Variants in STRA6 observed in about 807,000 individuals in gnomAD.
STRA6 encodes receptor for retinol uptake STRA6.
Under a neutral mutation model 83.6 loss-of-function variants are expected in STRA6, and 48 were observed. That is an observed-to-expected ratio of 0.57 (90% CI 0.46 to 0.73). The LOEUF is 0.73. STRA6 is among the 30% of genes least tolerant of loss of function. The pLI, the probability that STRA6 is intolerant of heterozygous loss-of-function variation, is 0.00. For missense variants in STRA6, 760 were observed against 838.8 expected, an observed-to-expected ratio of 0.91 and a Z score of 1.16; for synonymous variants, 353 against 362.3, an observed-to-expected ratio of 0.97 and a Z score of 0.29.
chr15:74,180,342 T>G (rs951992874), intron 18 of STRA6, 99 bp from the exon 19 acceptor site: 3 of 1,491,932 alleles, frequency 2.0e-6, no homozygotes, highest in Non-Finnish European at 2.8e-6. Context: ...CCCAGGCGTG[T>G]GCAGGTCGTG....
At chr15:74,193,970 A>C (rs2073681818) in intron 7 of STRA6, 48 bp from the exon 8 acceptor site, 1 of 1,605,660 alleles carries the variant, frequency 6.2e-7, no homozygotes, top group African/African-American at 1.3e-5. Context: ...TTCTTCCCCC[A>C]GCCAAGAACC....
chr15:74,204,934 C>CA (rs1006130543), upstream of STRA6, among the ~76,000 whole-genome samples: 15 of 125,990 alleles, frequency 1.2e-4, no homozygotes, highest in South Asian at 5.0e-4. Flanking sequence ...AACTCCATCT[C>CA]AAAAAAAAAG....
chr15:74,197,331 T>G lies in STRA6; in HGVS notation c.266+7A>C, dbSNP rs1302477695. 1.3e-6 allele frequency: 2 copies of G among 1,548,098 alleles called. No homozygotes were observed. The highest frequency in any genetic ancestry group is 2.4e-5 in the South Asian group (2 of 83,986). Reference sequence around the variant, plus strand: ...CTGAGTGGGGGTGCCCAGGCCATGGTACAAACCTGGGCAGGCCGGGCCTGC... The same window carrying G: ...CTGAGTGGGGGTGCCCAGGCCATGGGACAAACCTGGGCAGGCCGGGCCTGC... On this transcript the variant is annotated splice_region_variant and intron_variant, in intron 4 of 18. Transcript: ENST00000395105.
intron 2 of STRA6, among the ~76,000 whole-genome samples, chr15:74,201,445 C>T (rs1463218689): frequency 6.6e-6 from 1 of 152,136 alleles, no homozygotes; most frequent in Non-Finnish European, 1.5e-5. Context: ...GTGGGGGACA[C>T]AGAAGGGGCC....
rs753080256 is a variant in STRA6, at chr15:74,195,479, A to C, written c.431-11T>G. The C allele has an allele frequency of 1.2e-6, 2 of 1,612,418 alleles. No individual in the cohort carries two copies. The highest frequency in any genetic ancestry group is 2.2e-5 in the South Asian group (2 of 90,402). On this transcript the variant is annotated splice_polypyrimidine_tract_variant and intron_variant, in intron 6 of 18. Transcript: ENST00000395105. Reference sequence around the variant, plus strand: ...GTATCTTCCAGGCCCCTGGAAGGTGAAACAAGCAGAGAGACCCATGCTGGA... The same window carrying C: ...GTATCTTCCAGGCCCCTGGAAGGTGCAACAAGCAGAGAGACCCATGCTGGA...
Position 74,179,972 on chromosome 15 carries a change from T to C in STRA6, c.*108A>G, listed in dbSNP as rs2072892475. The C allele has an allele frequency of 1.4e-6, 2 of 1,458,146 alleles. No individual in the cohort carries two copies. Among genetic ancestry groups the C allele is most frequent in the South Asian group, 1.2e-5 (1 of 80,074 alleles). The allele number at this position is 1,458,146 out of a possible 1,614,324, so 90.3% of individuals were successfully genotyped here. A position where few individuals can be genotyped will look rare whatever the true frequency, so the allele number is the denominator to read the frequency against. On this transcript the variant is annotated 3_prime_UTR_variant, in exon 19 of 19. Coordinates refer to ENST00000395105, the MANE Select transcript of STRA6 (RefSeq NM_022369.4). The stretch of plus-strand genomic sequence containing the variant: ...AACCACAGTGATCCGGAGGACCTGC[T>C]GGCTGCATGGCTGGTGTGATGCTGG...
intron 7 of STRA6, chr15:74,195,006 C>A (rs754888311): frequency 3.5e-6 from 5 of 1,434,446 alleles, no homozygotes; most frequent in Non-Finnish European, 4.5e-6. Flanking sequence ...CTAACACAGG[C>A]ATTGGGGGTG....
chr15:74,212,212 G>T (rs753130178), upstream of STRA6: 1 of 152,398 alleles, frequency 6.6e-6, no homozygotes, highest in Admixed American at 6.5e-5. Flanking sequence ...CTTGGACACC[G>T]TCTCAGGGGT....
At chr15:74,199,888 T>C (rs1459123498) in intron 2 of STRA6, among the ~76,000 whole-genome samples, 1 of 152,122 alleles carries the variant, frequency 6.6e-6, no homozygotes, top group African/African-American at 2.4e-5. Context: ...GGGAGAACTT[T>C]GGGCAAAAGG....
In STRA6 at chr15:74,179,704, G is replaced by A; in HGVS notation, c.*376C>T. ...GCCTTGGCTGCTTCCACAGCGTGAA[G>A]GCCAAGGCTGAGGTGGAGCTGGGCT... On this transcript the variant is annotated 3_prime_UTR_variant, in exon 19 of 19. Coordinates refer to ENST00000395105, the MANE Select transcript of STRA6 (RefSeq NM_022369.4). The A allele has an allele frequency of 4.8e-6, 1 of 210,030 alleles. No individual in the cohort carries two copies. The highest frequency in any genetic ancestry group is 9.6e-5 in the South Asian group (1 of 10,402). The allele number at this position is 210,030 out of a possible 1,614,324, so 13.0% of individuals were successfully genotyped here. A position where few individuals can be genotyped will look rare whatever the true frequency, so the allele number is the denominator to read the frequency against.
At chr15:74,190,980 G>C in intron 10 of STRA6, 79 bp from the exon 11 acceptor site, 1 of 1,602,340 alleles carries the variant, frequency 6.2e-7, no homozygotes. Context: ...AGGGGCCCAG[G>C]AAAAGGGCCA....
chr15:74,187,018 G>C (rs1033996753), intron 12 of STRA6, among the ~76,000 whole-genome samples: 2 of 152,252 alleles, frequency 1.3e-5, no homozygotes, highest in Admixed American at 6.5e-5. Context: ...TTGGGAGAAA[G>C]CACTGTGCAT....
intron 1 of STRA6, chr15:74,208,660 C>T (rs1263120039): frequency 4.1e-6 from 4 of 967,518 alleles, no homozygotes; most frequent in Non-Finnish European, 4.9e-6. Context: ...ATCAGAATTG[C>T]TCCAGCCCAT....
At chr15:74,182,849 G>A (rs2073061536) in intron 14 of STRA6, 1 of 287,948 alleles carries the variant, frequency 3.5e-6, no homozygotes, top group Non-Finnish European at 6.7e-6. Context: ...CATACGGTAG[G>A]TGCCCAAGGA....
chr15:74,195,767 A>G lies in STRA6; in HGVS notation c.407-92T>C, dbSNP rs1356491355. The G allele has an allele frequency of 4.5e-6, 4 of 885,560 alleles. No homozygotes were observed. The African/African-American group carries it at 5.0e-5, about 11-fold the overall frequency. The allele number at this position is 885,560 out of a possible 1,614,324, so 54.9% of individuals were successfully genotyped here. On this transcript the variant is annotated intron_variant, in intron 5 of 18. Transcript: ENST00000395105. ...AGCATGGTGCCTGAGCAAATACTCA[A>G]TTTAAGATACTACTTCCCTGGCTCT... is the stretch of plus-strand genomic sequence containing the variant.
intron 14 of STRA6, chr15:74,182,690 G>T (rs904634015): frequency 3.6e-6 from 2 of 550,994 alleles, no homozygotes; most frequent in Non-Finnish European, 3.3e-6. Flanking sequence ...CTGTTGTAAG[G>T]ATCCAATGAG....
intron 5 of STRA6, 45 bp downstream of exon 5, chr15:74,195,963 C>A: frequency 6.2e-7 from 1 of 1,612,306 alleles, no homozygotes; most frequent in South Asian, 1.1e-5. Flanking sequence ...CCCACCCTAC[C>A]CCATCCCATC....
At chr15:74,196,875 A>G (rs895704451) in intron 4 of STRA6, among the ~76,000 whole-genome samples, 4 of 152,232 alleles carry the variant, frequency 2.6e-5, no homozygotes, top group African/African-American at 9.6e-5. Context: ...ATGCCTGTCC[A>G]GGCTCTGGAG....
intron 2 of STRA6, among the ~76,000 whole-genome samples, chr15:74,198,501 C>T (rs538569732): frequency 6.6e-6 from 1 of 152,306 alleles, no homozygotes; most frequent in East Asian, 1.9e-4. Flanking sequence ...GTCTCACAGA[C>T]GTCTTCTCAG....
Sources: gnomAD v4.1 joint callset for allele counts (sites outside exome capture counted in the v4.1 genomes callset) on GRCh38, gnomAD v4.1.1 for gene constraint, MANE v1.5 for transcripts, NCBI Gene and HGNC (gene_info 2026-07-23, HGNC 2026-07-21) for gene names.